Variants in NHSL2 observed in about 807,000 individuals in gnomAD.
NHSL2 encodes the protein NHS like 2.
A neutral mutation model predicts 53.4 loss-of-function variants in NHSL2; 27 were observed. The ratio of observed to expected loss-of-function variants is 0.51; its 90% CI spans 0.37 to 0.70. NHSL2 has a LOEUF of 0.70. Among genes scored for constraint, NHSL2 ranks in the 30% least tolerant of loss-of-function variants. NHSL2 has a pLI of 0.00. For missense variants in NHSL2, 892 were observed against 980.1 expected (o/e 0.91, Z 1.20); for synonymous variants, 408 against 404.1 (o/e 1.01, Z -0.12).
At position 72,143,430 on chromosome X, in the gene NHSL2, C is replaced by T. The variant is rs1390822894; in HGVS notation, c.3534C>T (p.Ala1178=). 8.6e-7 allele frequency: 1 copy of T among 1,167,582 alleles called. No homozygotes were observed. Among genetic ancestry groups the T allele is most frequent in the South Asian group, 1.9e-5 (1 of 52,729 alleles). The stretch of plus-strand genomic sequence containing the variant: ...CTGGCAGAAATGACGATTTCAAGGC[C>T]TTGCTACAGAAGAAGGGAAGTAAGG... ...LDAGRNDDFK[A]LLQKKGSKAT... is the part of the protein sequence containing the mutation. Residue 1178 remains alanine, a synonymous_variant, in exon 8 of 8, where the codon GCC becomes GCT. Transcript: ENST00000633930.
chrX:72,028,396 GT>G (rs1264530985), intron 1 of NHSL2, among the ~76,000 whole-genome samples: 1 of 112,280 alleles, frequency 8.9e-6, no homozygotes, highest in Admixed American at 9.4e-5. Context: ...GCTCAAGGAT[GT>G]TTTCCCCTAT....
chrX:71,979,154 C>T (rs775242957), intron 1 of NHSL2, among the ~76,000 whole-genome samples: 171 of 110,493 alleles, frequency 1.5e-3, no homozygotes, highest in African/African-American at 5.4e-3. Flanking sequence ...TTAATCCAGT[C>T]GATCATTGAT....
At chrX:72,093,209 A>G (rs924061843) in intron 1 of NHSL2, among the ~76,000 whole-genome samples, 1 of 112,604 alleles carries the variant, frequency 8.9e-6, no homozygotes, top group Non-Finnish European at 1.9e-5. Context: ...CTCTTGTTCA[A>G]TTAGCTTTGA....
intron 1 of NHSL2, among the ~76,000 whole-genome samples, chrX:71,979,784 T>G (rs1191657884): frequency 2.5e-4 from 28 of 111,462 alleles, no homozygotes; most frequent in African/African-American, 8.5e-4. Context: ...CATTTGTCAA[T>G]TTTGGCTTTT....
At chrX:72,123,119 A>G (rs1418886740) in intron 1 of NHSL2, among the ~76,000 whole-genome samples, 3 of 112,037 alleles carry the variant, frequency 2.7e-5, no homozygotes, top group African/African-American at 9.7e-5. Context: ...TGAGGAGAAC[A>G]TTGCCAGTTG....
At position 72,131,297 on chromosome X, in the gene NHSL2, C is replaced by A. The variant is rs760995449; in HGVS notation, c.281-782C>A. The A allele has an allele frequency of 8.4e-6, 10 of 1,195,815 alleles. No homozygotes were observed. The South Asian group carries it at 1.6e-4, about 20-fold the overall frequency. On this transcript the variant is annotated intron_variant, in intron 1 of 7. Coordinates refer to ENST00000633930, the MANE Select transcript of NHSL2 (RefSeq NM_001013627.3). ...GGCCGGCACAAGAAGGGCAGTTCTC[C>A]CCCGGGAATGACTTCGATCTCACTG...
intron 1 of NHSL2, among the ~76,000 whole-genome samples, chrX:72,068,702 G>T (rs991736289): frequency 2.7e-5 from 3 of 110,613 alleles, no homozygotes; most frequent in Non-Finnish European, 5.7e-5. Flanking sequence ...GAGAGAGAGC[G>T]CATGTATTTG....
chrX:71,955,588 C>T (rs2041839366), intron 1 of NHSL2, among the ~76,000 whole-genome samples: 1 of 110,359 alleles, frequency 9.1e-6, no homozygotes, highest in Admixed American at 9.6e-5. Flanking sequence ...TTGTTTCCCA[C>T]TAGGCCTAGC....
At chrX:72,120,607 C>T (rs1231093759) in intron 1 of NHSL2, among the ~76,000 whole-genome samples, 1 of 112,263 alleles carries the variant, frequency 8.9e-6, no homozygotes, top group Non-Finnish European at 1.9e-5. Context: ...ATCTAGCTAA[C>T]CAAATTTCTT....
At chrX:72,055,568 AC>A (rs1236096130) in intron 1 of NHSL2, among the ~76,000 whole-genome samples, 2 of 112,194 alleles carry the variant, frequency 1.8e-5, no homozygotes, top group Admixed American at 9.4e-5. Flanking sequence ...CTTATAAGAT[AC>A]ATCCTATACT....
In NHSL2 at chrX:71,911,018, C is replaced by T. The variant is rs1322872287; in HGVS notation, c.-70C>T. 2.3e-6 allele frequency: 2 copies of T among 878,646 alleles called. No homozygotes were observed. Among genetic ancestry groups the T allele is most frequent in the African/African-American group, 2.1e-5 (1 of 47,317 alleles). The allele number at this position is 878,646 out of a possible 1,213,427, so 72.4% of individuals were successfully genotyped here. A position where few individuals can be genotyped will look rare whatever the true frequency, so the allele number is the denominator to read the frequency against. ...GGCCGCCGCTCAGGGGCGCTCGGGC[C>T]AGGGGCGCTGCTCGGGGTGAGCCCG... On this transcript the variant is annotated 5_prime_UTR_variant, in exon 1 of 8. Coordinates refer to ENST00000633930, the MANE Select transcript of NHSL2 (RefSeq NM_001013627.3).
intron 1 of NHSL2, among the ~76,000 whole-genome samples, chrX:72,103,277 A>T (rs1425496946): frequency 9.0e-6 from 1 of 111,249 alleles, no homozygotes; most frequent in Non-Finnish European, 1.9e-5. Context: ...CCAATCCTAG[A>T]TGTAAAGGTC....
At chrX:71,956,335 C>T (rs1238027214) in intron 1 of NHSL2, among the ~76,000 whole-genome samples, 1 of 111,488 alleles carries the variant, frequency 9.0e-6, no homozygotes, top group Non-Finnish European at 1.9e-5. Flanking sequence ...TTCTTCATAG[C>T]CTAAGTAAGG....
intron 1 of NHSL2, among the ~76,000 whole-genome samples, chrX:72,087,485 C>A (rs1358635430): frequency 8.9e-6 from 1 of 112,729 alleles, no homozygotes; most frequent in East Asian, 2.8e-4. Context: ...GAATTGTACA[C>A]TTAAAAGGGC....
chrX:71,931,625 C>T (rs1470276473), intron 1 of NHSL2, among the ~76,000 whole-genome samples: 1 of 112,257 alleles, frequency 8.9e-6, no homozygotes, highest in Non-Finnish European at 1.9e-5. Context: ...AGAGACTATT[C>T]CTTCCTCCAT....
chrX:71,916,691 T>A (rs1255164677), intron 1 of NHSL2, among the ~76,000 whole-genome samples: 1 of 111,865 alleles, frequency 8.9e-6, no homozygotes, highest in Admixed American at 9.4e-5. Context: ...TTCTGCTCAG[T>A]CCGGTTTGGC....
chrX:71,969,470 G>A (rs1055868497), intron 1 of NHSL2, among the ~76,000 whole-genome samples: 5 of 110,066 alleles, frequency 4.5e-5, no homozygotes, highest in South Asian at 3.9e-4. Flanking sequence ...CCACCACTGC[G>A]CATGGCTAAT....
chrX:71,915,257 G>A (rs1276723844), intron 1 of NHSL2, among the ~76,000 whole-genome samples: 1 of 111,959 alleles, frequency 8.9e-6, no homozygotes, highest in Non-Finnish European at 1.9e-5. Flanking sequence ...TCAAGTTATG[G>A]CTCTTGGGCT....
chrX:72,019,236 G>A (rs1184165597), intron 1 of NHSL2, among the ~76,000 whole-genome samples: 1 of 112,413 alleles, frequency 8.9e-6, no homozygotes, highest in Non-Finnish European at 1.9e-5. Flanking sequence ...CGGGTGACCA[G>A]GGTTTCAGTG....
Sources: gnomAD v4.1 joint callset for allele counts (sites outside exome capture counted in the v4.1 genomes callset) on GRCh38, gnomAD v4.1.1 for gene constraint, MANE v1.5 for transcripts, NCBI Gene and HGNC (gene_info 2026-07-23, HGNC 2026-07-21) for gene names.